RBFOX1: variants seen among roughly 807,000 people sequenced by gnomAD.
RBFOX1 encodes the protein RNA binding protein fox-1 homolog 1.
Under a neutral mutation model 57.7 loss-of-function variants are expected in RBFOX1, and 8 were observed. The observed-to-expected ratio is 0.14, with a 90% CI of 0.08 to 0.25. The LOEUF is 0.25. Ranked by LOEUF, RBFOX1 falls within the 10% of genes least tolerant of loss-of-function variation. The probability of loss-of-function intolerance (pLI) is 1.00; values close to 1 mark genes in which losing one functional copy is unlikely to be tolerated. For synonymous variants in RBFOX1, 326 were observed against 222.4 expected (o/e 1.47, Z -4.15); for missense variants, 611 against 548.5 (o/e 1.11, Z -1.14).
chr16:5,508,994 A>T (rs1420659391), intron 2 of RBFOX1, among the ~76,000 whole-genome samples: 2 of 152,144 alleles, frequency 1.3e-5, no homozygotes, highest in African/African-American at 4.8e-5. Flanking sequence ...CCAGGGTCCT[A>T]TTGTTAACTG....
chr16:7,670,182 C>T (rs2070915373), intron 13 of RBFOX1, among the ~76,000 whole-genome samples: 1 of 152,068 alleles, frequency 6.6e-6, no homozygotes, highest in South Asian at 2.1e-4. Context: ...CATGCATGCA[C>T]CACGACGCCT....
intron 4 of RBFOX1, among the ~76,000 whole-genome samples, chr16:7,370,276 T>A (rs571409815): frequency 1.3e-5 from 2 of 152,324 alleles, no homozygotes; most frequent in African/African-American, 4.8e-5. Flanking sequence ...ATTTTCTTGG[T>A]ACCCATTAAG....
At chr16:6,742,682 A>C (rs924035324) in intron 3 of RBFOX1, among the ~76,000 whole-genome samples, 1 of 152,218 alleles carries the variant, frequency 6.6e-6, no homozygotes, top group African/African-American at 2.4e-5. Flanking sequence ...GATATACACA[A>C]CACCTGTGAT....
At chr16:5,731,695 C>T (rs750800179) in intron 3 of RBFOX1, among the ~76,000 whole-genome samples, 4 of 152,102 alleles carry the variant, frequency 2.6e-5, no homozygotes, top group Non-Finnish European at 4.4e-5. Context: ...CCTGGATGTC[C>T]ATAGGACATT....
At chr16:6,416,917 G>C (rs1001680416) in intron 2 of RBFOX1, among the ~76,000 whole-genome samples, 1 of 152,266 alleles carries the variant, frequency 6.6e-6, no homozygotes, top group African/African-American at 2.4e-5. Context: ...TTTGTGTTTG[G>C]ATATCATCAC....
chr16:7,548,674 G>A (rs2085357364), intron 5 of RBFOX1, among the ~76,000 whole-genome samples: 3 of 152,326 alleles, frequency 2.0e-5, no homozygotes, highest in South Asian at 2.1e-4. Flanking sequence ...CTCGCCTCCA[G>A]CCAGTTTCGG....
At chr16:5,976,273 A>G (rs2060061133) in intron 4 of RBFOX1, among the ~76,000 whole-genome samples, 1 of 152,236 alleles carries the variant, frequency 6.6e-6, no homozygotes, top group East Asian at 1.9e-4. Context: ...AACAGCAGCA[A>G]CAACAGAGTT....
At chr16:7,385,130 A>G (rs2097854396) in intron 4 of RBFOX1, among the ~76,000 whole-genome samples, 1 of 152,264 alleles carries the variant, frequency 6.6e-6, no homozygotes, top group Non-Finnish European at 1.5e-5. Context: ...AGAATTGGGC[A>G]AAGGCCAGGT....
chr16:6,046,293 G>C (rs1316083463), intron 1 of RBFOX1, among the ~76,000 whole-genome samples: 1 of 152,148 alleles, frequency 6.6e-6, no homozygotes, highest in Non-Finnish European at 1.5e-5. Flanking sequence ...CTGACAGATA[G>C]GGGGATGAGG....
At chr16:6,502,661 C>G (rs2095972005) in intron 2 of RBFOX1, among the ~76,000 whole-genome samples, 1 of 152,128 alleles carries the variant, frequency 6.6e-6, no homozygotes, top group Admixed American at 6.6e-5. Context: ...GTATGTGGAA[C>G]TTTTCTATTG....
chr16:6,255,833 T>A (rs545457619), intron 1 of RBFOX1, among the ~76,000 whole-genome samples: 1 of 151,074 alleles, frequency 6.6e-6, no homozygotes, highest in South Asian at 2.1e-4. Flanking sequence ...TAAGAGGGAG[T>A]TGAACAATGA....
chr16:5,706,213 G>A (rs775553167), intron 3 of RBFOX1, among the ~76,000 whole-genome samples: 26 of 152,312 alleles, frequency 1.7e-4, no homozygotes, highest in Non-Finnish European at 3.4e-4. Context: ...TCCCGGCCAT[G>A]TTGCTTTTTT....
chr16:6,746,456 C>A (rs1050307688), intron 3 of RBFOX1, among the ~76,000 whole-genome samples: 1 of 152,138 alleles, frequency 6.6e-6, no homozygotes, highest in Non-Finnish European at 1.5e-5. Flanking sequence ...ACAGTTGGAT[C>A]ACTTGAGCCC....
intron 3 of RBFOX1, among the ~76,000 whole-genome samples, chr16:5,630,501 C>T (rs1418684771): frequency 1.3e-5 from 2 of 152,054 alleles, no homozygotes; most frequent in Non-Finnish European, 2.9e-5. Context: ...GGACCTTAGA[C>T]ATCAGATGTG....
At chr16:6,255,876 C>T (rs2097658106) in intron 1 of RBFOX1, among the ~76,000 whole-genome samples, 1 of 151,568 alleles carries the variant, frequency 6.6e-6, no homozygotes, top group Admixed American at 6.6e-5. Context: ...GAACGTCACA[C>T]ACCGGGGCCT....
At chr16:5,760,928 A>C (rs2053570575) in intron 3 of RBFOX1, among the ~76,000 whole-genome samples, 1 of 152,200 alleles carries the variant, frequency 6.6e-6, no homozygotes, top group Admixed American at 6.5e-5. Flanking sequence ...GTTGCACAAC[A>C]TTGTGAGTTC....
intron 4 of RBFOX1, among the ~76,000 whole-genome samples, chr16:5,940,520 C>T (rs1272108302): frequency 6.6e-6 from 1 of 152,146 alleles, no homozygotes; most frequent in East Asian, 1.9e-4. Flanking sequence ...ATATTAAGAT[C>T]CTCACAGGGA....
chr16:6,320,028 A>G (rs1026070864), intron 2 of RBFOX1, among the ~76,000 whole-genome samples: 1 of 152,146 alleles, frequency 6.6e-6, no homozygotes, highest in African/African-American at 2.4e-5. Flanking sequence ...TTATTGACCA[A>G]TAAGAATTGC....
Position 6,601,498 on chromosome 16 carries a change from A to G in RBFOX1, c.-63-53105A>G, listed in dbSNP as rs544433701. 3.3e-4 allele frequency among the ~76,000 whole-genome samples: 51 copies of G among 152,258 alleles called. 1 individual carries two copies. In the South Asian group the frequency reaches 6.0e-3, roughly 18 times the overall value. On this transcript the variant is annotated intron_variant, in intron 2 of 15. Transcript: ENST00000550418. ...AAGGGAACTCTACATACAAGAAGCT[A>G]TACCAGCGTAAGGATCCTGGACCAT...
Sources: gnomAD v4.1 joint callset for allele counts (sites outside exome capture counted in the v4.1 genomes callset) on GRCh38, gnomAD v4.1.1 for gene constraint, MANE v1.5 for transcripts, NCBI Gene and HGNC (gene_info 2026-07-23, HGNC 2026-07-21) for gene names.